NUMA1: variants seen among roughly 807,000 people sequenced by gnomAD.
The protein encoded by NUMA1 is nuclear mitotic apparatus protein 1.
Under a neutral mutation model 237.1 loss-of-function variants are expected in NUMA1, and 62 were observed. The observed-to-expected ratio is 0.26, with a 90% CI of 0.21 to 0.32. The LOEUF is 0.32. Among genes scored for constraint, NUMA1 ranks in the 10% least tolerant of loss-of-function variants. The pLI is 1.00. For missense variants in NUMA1, 2,533 were observed against 2,666.5 expected (o/e 0.95, Z 1.10); for synonymous variants, 1,028 against 1,066.1 (o/e 0.96, Z 0.70).
At chr11:72,075,846 A>T (rs1315698659) in intron 1 of NUMA1, among the ~76,000 whole-genome samples, 1 of 152,204 alleles carries the variant, frequency 6.6e-6, no homozygotes, top group Non-Finnish European at 1.5e-5. Flanking sequence ...ATTAGTGAGG[A>T]GGATTAGCGA....
intron 2 of NUMA1, among the ~76,000 whole-genome samples, chr11:72,046,256 A>G (rs1013679048): frequency 6.6e-6 from 1 of 152,156 alleles, no homozygotes; most frequent in African/African-American, 2.4e-5. Flanking sequence ...TTCTAGAAAA[A>G]GAGAAGGGCC....
chr11:72,041,658 T>G (rs964282839), intron 2 of NUMA1: 1 of 152,190 alleles, frequency 6.6e-6, no homozygotes, highest in African/African-American at 2.4e-5. Context: ...GGCCCTCTGA[T>G]CGGGGGCACC....
chr11:72,011,333 G>T lies in NUMA1; in HGVS notation c.4651-479C>A, dbSNP rs74360980. Among the ~76,000 whole-genome samples, 18 of 152,226 alleles carry T rather than the reference G, an allele frequency of 1.2e-4. 1 individual carries two copies. Among genetic ancestry groups the T allele is most frequent in the Admixed American group, 8.5e-4 (13 of 15,292 alleles). On this transcript the variant is annotated intron_variant, in intron 16 of 26. Transcript: ENST00000393695. ...GACCTCTTCCCAACATCCACAGGCC[G>T]TTAGGGCTGGTGCTAGCAGCATGGC... is the stretch of plus-strand genomic sequence containing the variant.
intron 2 of NUMA1, among the ~76,000 whole-genome samples, chr11:72,043,493 G>A (rs1455399953): frequency 1.3e-5 from 2 of 149,168 alleles, no homozygotes. Flanking sequence ...CTCCCAAGCA[G>A]TGGGAGTACA....
At chr11:72,035,767 T>C in intron 3 of NUMA1, 135 bp downstream of exon 3, 1 of 797,716 alleles carries the variant, frequency 1.3e-6, no homozygotes, top group Non-Finnish European at 2.1e-6. Context: ...TGCATTTCCA[T>C]GCTGTCTAAA....
intron 4 of NUMA1, among the ~76,000 whole-genome samples, chr11:72,025,649 A>G (rs1197533027): frequency 3.3e-5 from 5 of 152,202 alleles, no homozygotes; most frequent in Non-Finnish European, 5.9e-5. Flanking sequence ...TTCTTAGCCA[A>G]CTTTCTGGAG....
chr11:72,008,863 A>G lies in NUMA1; in HGVS notation c.5059-18T>C. On this transcript the variant is annotated intron_variant, in intron 19 of 26. Coordinates refer to ENST00000393695, the MANE Select transcript of NUMA1 (RefSeq NM_006185.4). ...TGGGCAACCTGAGAAGGAGAGGGCC[A>G]GGGGGAGAGTGAAGAAAAGCCTAAG... 1 of 1,613,830 alleles carries G rather than the reference A, an allele frequency of 6.2e-7. No individual in the cohort carries two copies. Among genetic ancestry groups the G allele is most frequent in the Non-Finnish European group, 8.5e-7 (1 of 1,179,846 alleles).
intron 1 of NUMA1, 23 bp from the exon 2 acceptor site, chr11:72,069,934 G>C (rs1227360369): frequency 2.0e-5 from 3 of 152,196 alleles, no homozygotes; most frequent in African/African-American, 4.8e-5. Context: ...CAAAGGGACA[G>C]GAATGATTAT....
intron 3 of NUMA1, among the ~76,000 whole-genome samples, chr11:72,033,375 T>C (rs1293240289): frequency 0.061 from 254 of 4,142 alleles, 1 homozygote; most frequent in African/African-American, 0.083. Flanking sequence ...TTTTTTTTTT[T>C]TTTTTTTTTT....
intron 20 of NUMA1, chr11:72,007,724 GC>G (rs369185938): frequency 3.7e-4 from 173 of 467,730 alleles, no homozygotes; most frequent in African/African-American, 3.2e-3. Context: ...CCCAATCTAA[GC>G]CCACTTCTCT....
chr11:72,076,251 G>A (rs1170249464), intron 1 of NUMA1, among the ~76,000 whole-genome samples: 1 of 152,124 alleles, frequency 6.6e-6, no homozygotes, highest in Non-Finnish European at 1.5e-5. Flanking sequence ...GTGTGCACCT[G>A]TAGTCCCAGC....
chr11:72,025,058 C>T (rs1243460467), intron 4 of NUMA1, among the ~76,000 whole-genome samples: 5 of 152,090 alleles, frequency 3.3e-5, no homozygotes, highest in African/African-American at 1.2e-4. Context: ...CCACCACGCC[C>T]GGCTAATTTT....
At chr11:72,053,223 T>C (rs1197147217) in intron 2 of NUMA1, among the ~76,000 whole-genome samples, 3 of 152,186 alleles carry the variant, frequency 2.0e-5, no homozygotes, top group African/African-American at 7.2e-5. Flanking sequence ...TCAACTAAAG[T>C]GAAGCTCCCA....
intron 2 of NUMA1, among the ~76,000 whole-genome samples, chr11:72,063,745 T>C (rs1943068796): frequency 6.7e-6 from 1 of 148,930 alleles, no homozygotes; most frequent in South Asian, 2.2e-4. Flanking sequence ...AGTGAGACCA[T>C]GTCTCTACAA....
chr11:72,015,687 G>A lies in NUMA1; in HGVS notation c.1816C>T (p.Leu606=), dbSNP rs1250960669. 1 of 1,613,966 alleles carries A rather than the reference G, an allele frequency of 6.2e-7. No homozygotes were observed. Among genetic ancestry groups the A allele is most frequent in the Admixed American group, 1.7e-5 (1 of 60,026 alleles). The part of the protein sequence containing the change: ...LRERDAALKQ[L]EALEKEKAAK... ...GCCTTCTCCTTCTCCAGTGCCTCCAGCTGCTTGAGAGCCGCATCCCGCTCC... is the reference window on the plus strand; with the variant it reads ...GCCTTCTCCTTCTCCAGTGCCTCCAACTGCTTGAGAGCCGCATCCCGCTCC... The change falls in exon 15 of 27, where the codon CTG becomes TTG. Residue 606 remains leucine (L), a synonymous_variant. Coordinates refer to ENST00000393695, the MANE Select transcript of NUMA1 (RefSeq NM_006185.4). The surrounding 1 kb of genome is among the most constrained non-coding windows in gnomAD (Gnocchi z 4.0).
chr11:72,012,402 T>A lies in NUMA1; in HGVS notation c.4649A>T (p.Gln1550Leu). Residue 1550 changes from glutamine to leucine, a missense_variant and splice_region_variant, in exon 16 of 27, where the codon CAG (glutamine) becomes CTG (leucine). Gln to Leu is a moderately radical substitution (Grantham distance 113). This residue lies in a region of NUMA1 where 795 missense variants were observed against 750.8 expected (regional missense o/e 1.06). Coordinates refer to ENST00000393695, the MANE Select transcript of NUMA1 (RefSeq NM_006185.4). ...LEVFQREQTK[Q>L]VEELSKKLAD... ...TTTAGCGAGGACCTCAGGCATTACC[T>A]GCTTAGTTTGCTCTCTCTGAAATAC... is the stretch of plus-strand genomic sequence containing the variant. 1 of 1,612,974 alleles carries A rather than the reference T, an allele frequency of 6.2e-7. No homozygotes were observed. Among genetic ancestry groups the A allele is most frequent in the East Asian group, 2.2e-5 (1 of 44,890 alleles).
Position 72,015,387 on chromosome 11 carries a change from C to A in NUMA1, c.2116G>T (p.Ala706Ser). ...GTGACCTTCAAGGACTCTTTGAGGG[C>A]CTGGAGCTGCTCCTGGAGCTGGTCC... Reference protein sequence around the residue: ...EKDQLQEQLQALKESLKVTKG... With the variant: ...EKDQLQEQLQSLKESLKVTKG... The change falls in exon 15 of 27, where the codon GCC becomes TCC. Residue 706 changes from alanine to serine, a missense_variant. Ala to Ser is a moderately conservative substitution (Grantham distance 99). Transcript: ENST00000393695. The surrounding 1 kb of genome is among the most constrained non-coding windows in gnomAD (Gnocchi z 4.0). The A allele has an allele frequency of 6.2e-7, 1 of 1,612,222 alleles. No individual in the cohort carries two copies. The highest frequency in any genetic ancestry group is 1.3e-5 in the African/African-American group (1 of 75,064).
In NUMA1 at chr11:72,032,416, C is replaced by A. The variant is rs901714042; in HGVS notation, c.43-3126G>T. Among the ~76,000 whole-genome samples the A allele has an allele frequency of 4.6e-5, 7 of 152,144 alleles. 1 individual carries two copies. The highest frequency in any genetic ancestry group is 2.9e-5 in the Non-Finnish European group (2 of 68,048). On this transcript the variant is annotated intron_variant, in intron 3 of 26. Transcript: ENST00000393695. ...GAAGAGACTGCCAAGGCTAAACCAT[C>A]TCCTATCAATACCTGCAATCTAGGT...
In NUMA1 at chr11:72,015,194, C is replaced by A; in HGVS notation, c.2309G>T (p.Arg770Leu). ...ATGGGCCTCCCCAAGCTGCTGTAAT[C>A]GAGCCTCCAGCCCCTTGCGCCCAGC... ...ERAGRKGLEARLQQLGEAHQA... is the reference protein window; with the variant it reads ...ERAGRKGLEALLQQLGEAHQA... The change falls in exon 15 of 27, where the codon CGA (arginine) becomes CTA (leucine). Residue 770 changes from arginine (R) to leucine (L), a missense_variant. By Grantham distance (102) the Arg-to-Leu change is moderately radical (BLOSUM62 -2). Transcript: ENST00000393695. The surrounding 1 kb of genome is among the most constrained non-coding windows in gnomAD (Gnocchi z 4.0). The A allele has an allele frequency of 1.2e-6, 2 of 1,613,422 alleles. No homozygotes were observed. Among genetic ancestry groups the A allele is most frequent in the Non-Finnish European group, 1.7e-6 (2 of 1,180,030 alleles).
Sources: allele counts gnomAD v4.1 joint callset (sites outside exome capture counted in the v4.1 genomes callset), GRCh38; gene constraint gnomAD v4.1.1; regional missense constraint gnomAD v4.1.1; non-coding constraint Gnocchi (gnomAD v3.1); transcripts MANE v1.5; gene names NCBI Gene and HGNC (gene_info 2026-07-23, HGNC 2026-07-21).